The following POLR2F variants were observed in gnomAD, a reference collection of about 807,000 sequenced individuals.
The protein encoded by POLR2F is RNA polymerase II, I and III subunit F.
Under a neutral mutation model 22.7 loss-of-function variants are expected in POLR2F, and 12 were observed. That is an observed-to-expected ratio of 0.53 (90% CI 0.34 to 0.86). POLR2F has a LOEUF of 0.86. POLR2F is among the 40% of genes least tolerant of loss of function. The pLI is 0.02. For missense variants in POLR2F, 126 were observed against 171.5 expected (o/e 0.73, Z 1.48); for synonymous variants, 57 against 66.0 (o/e 0.86, Z 0.66).
Position 37,980,945 on chromosome 22 carries a change from T to C in POLR2F, c.293+13775T>C, listed in dbSNP as rs1233321446. ...CACACAGGAGGGACTCTTGCCTGTG[T>C]CCGCCTTTCCAGTTTCTTGGCTCTG... On this transcript the variant is annotated intron_variant, in intron 4 of 4. Transcript: ENST00000405557. This position sits in a 1 kb window ranked among gnomAD's most constrained non-coding sequence, Gnocchi z 4.1. Among the ~76,000 whole-genome samples, 2 of 152,174 alleles carry C rather than the reference T, an allele frequency of 1.3e-5. No individual in the cohort carries two copies. Among genetic ancestry groups the C allele is most frequent in the Non-Finnish European group, 2.9e-5 (2 of 68,026 alleles).
In POLR2F at chr22:37,986,383, G is replaced by A; in HGVS notation, c.120+71G>A. ...GGAAAGGACCTCCCCGCTCTCTGCT[G>A]TGTCTGTGACTGGCCTGAGACCCGC... On this transcript the variant is annotated intron_variant, in intron 1 of 2. Coordinates refer to the POLR2F transcript ENST00000333418. The surrounding 1 kb of genome is among the most constrained non-coding windows in gnomAD (Gnocchi z 4.7). 20 of 1,530,156 alleles carry A rather than the reference G, an allele frequency of 1.3e-5. No homozygotes were observed. The highest frequency in any genetic ancestry group is 1.7e-5 in the Non-Finnish European group (20 of 1,144,126). The allele number at this position is 1,530,156 out of a possible 1,614,324, so 94.8% of individuals were successfully genotyped here.
chr22:37,992,178 T>C (rs1932740583), intron 1 of POLR2F, among the ~76,000 whole-genome samples: 1 of 152,170 alleles, frequency 6.6e-6, no homozygotes, highest in Non-Finnish European at 1.5e-5. Flanking sequence ...TTATTAGCTG[T>C]GTGTCCTTGG....
Position 37,978,204 on chromosome 22 carries a change from G to A in POLR2F, c.293+11034G>A, listed in dbSNP as rs1932283415. ...GTGAATGCCAGAGCACTCCAGGTTGGCCTCCCTCTGAGTGTCCATCTTGGA... is the reference window on the plus strand; with the variant it reads ...GTGAATGCCAGAGCACTCCAGGTTGACCTCCCTCTGAGTGTCCATCTTGGA... On this transcript the variant is annotated intron_variant, in intron 4 of 4. Transcript: ENST00000405557. The surrounding 1 kb of genome is among the most constrained non-coding windows in gnomAD (Gnocchi z 5.0). 4.9e-6 allele frequency: 7 copies of A among 1,437,044 alleles called. No homozygotes were observed. In the South Asian group the frequency reaches 7.2e-5, roughly 15 times the overall value. The allele number at this position is 1,437,044 out of a possible 1,614,324, so 89.0% of individuals were successfully genotyped here.
At chr22:37,989,087 CTG>C (rs1455371299) in intron 1 of POLR2F, among the ~76,000 whole-genome samples, 1 of 152,166 alleles carries the variant, frequency 6.6e-6, no homozygotes, top group Non-Finnish European at 1.5e-5. Flanking sequence ...TTGGATAAGG[CTG>C]TGTCATCCTC....
intron 1 of POLR2F, among the ~76,000 whole-genome samples, chr22:37,995,552 G>A (rs115467980): frequency 3.9e-5 from 6 of 152,040 alleles, no homozygotes; most frequent in East Asian, 3.9e-4. Flanking sequence ...ATTTATTGGC[G>A]GATTAGTTGT....
chr22:37,979,223 G>A (rs376926473), intron 4 of POLR2F, among the ~76,000 whole-genome samples: 3 of 151,604 alleles, frequency 2.0e-5, no homozygotes, highest in African/African-American at 7.3e-5. Flanking sequence ...TCAGCCTCCC[G>A]GGTAGCTGGG....
intron 1 of POLR2F, among the ~76,000 whole-genome samples, chr22:38,019,762 C>T (rs1312152543): frequency 1.3e-5 from 2 of 152,230 alleles, no homozygotes; most frequent in African/African-American, 2.4e-5. Flanking sequence ...CCTGTACTCT[C>T]CCAGCACTTT....
chr22:37,958,147 G>A (rs1931475228), intron 2 of POLR2F, among the ~76,000 whole-genome samples: 1 of 151,594 alleles, frequency 6.6e-6, no homozygotes, highest in African/African-American at 2.4e-5. Context: ...GAGTAGCTGG[G>A]ACTGCAGGTT....
rs1322169133 is a variant in POLR2F, at chr22:37,986,598, G to T, written c.120+286G>T. On this transcript the variant is annotated intron_variant, in intron 1 of 2. Transcript: ENST00000333418. The surrounding 1 kb of genome is among the most constrained non-coding windows in gnomAD (Gnocchi z 4.7). ...CAGGAAGCCACGCTAGACAGAAGGG[G>T]CCACTCCCTCTCTCTCTCCCTTGTC... The T allele has an allele frequency of 1.7e-5, 12 of 701,116 alleles. No homozygotes were observed. Among genetic ancestry groups the T allele is most frequent in the Non-Finnish European group, 2.8e-5 (11 of 389,896 alleles). 43.4% of individuals were successfully genotyped at this position (701,116 alleles called of 1,614,324 possible).
downstream of POLR2F, chr22:37,973,367 C>G: frequency 1.5e-6 from 1 of 666,382 alleles, no homozygotes; most frequent in South Asian, 2.0e-5. Context: ...GAAAGCCCCC[C>G]GACCTGTCAG....
intron 1 of POLR2F, among the ~76,000 whole-genome samples, chr22:38,010,401 GGAGA>G (rs146984900): frequency 3.1e-4 from 47 of 150,970 alleles, no homozygotes; most frequent in South Asian, 2.7e-3. Flanking sequence ...AAGAAAGAGA[GGAGA>G]GAGAGAGAGA....
At chr22:37,982,393 G>C (rs576253688), upstream of POLR2F, among the ~76,000 whole-genome samples, 1 of 152,106 alleles carries the variant, frequency 6.6e-6, no homozygotes, top group African/African-American at 2.4e-5. Context: ...TGGCACTCCC[G>C]GGTGGGAGTG....
chr22:37,959,227 G>A, intron 2 of POLR2F, 119 bp from the exon 3 acceptor site: 1 of 953,380 alleles, frequency 1.0e-6, no homozygotes, highest in Non-Finnish European at 1.6e-6. Context: ...GTGGTCCCCT[G>A]GCATGCAGTA....
rs1343626978 is a variant in POLR2F at position 37,959,231 on chromosome 22, T to C, written c.91-115T>C. ...GAAGCAGTTATGTGGTCCCCTGGCA[T>C]GCAGTAAGCATTAACGGTGGCTGTA... is the stretch of plus-strand genomic sequence containing the variant. On this transcript the variant is annotated intron_variant, in intron 2 of 4. Transcript: ENST00000442738. The C allele has an allele frequency of 5.1e-6, 5 of 988,810 alleles. No individual in the cohort carries two copies. The African/African-American group carries it at 8.1e-5, about 16-fold the overall frequency. The allele number at this position is 988,810 out of a possible 1,614,324, so 61.3% of individuals were successfully genotyped here. A position where few individuals can be genotyped will look rare whatever the true frequency, so the allele number is the denominator to read the frequency against.
At chr22:38,000,710 G>A (rs1290357142) in intron 1 of POLR2F, among the ~76,000 whole-genome samples, 1 of 152,208 alleles carries the variant, frequency 6.6e-6, no homozygotes, top group African/African-American at 2.4e-5. Context: ...CTTTGGAGGT[G>A]TAAGGTGTTT....
intron 1 of POLR2F, among the ~76,000 whole-genome samples, chr22:38,004,435 TC>T (rs1447445173): frequency 3.3e-5 from 5 of 152,162 alleles, no homozygotes; most frequent in African/African-American, 1.2e-4. Context: ...CCTTGCCACT[TC>T]CTGAGCGCTC....
chr22:38,004,180 G>C (rs979919741), intron 1 of POLR2F, among the ~76,000 whole-genome samples: 1 of 19,006 alleles, frequency 5.3e-5, no homozygotes, highest in Non-Finnish European at 9.9e-5. Context: ...TAGAGATGTG[G>C]GGGGGGTCTC....
At chr22:37,967,514 A>G in intron 4 of POLR2F, 111 bp from the exon 5 acceptor site, 1 of 1,516,960 alleles carries the variant, frequency 6.6e-7, no homozygotes, top group Non-Finnish European at 8.8e-7. Context: ...CAGCCCCAAG[A>G]GGCTGCTCCT....
downstream of POLR2F, among the ~76,000 whole-genome samples, chr22:38,029,916 A>G (rs562637450): frequency 4.6e-5 from 7 of 152,344 alleles, no homozygotes; most frequent in African/African-American, 1.7e-4. Context: ...TGAGCCTTGC[A>G]GGCTGGAGAT....
Sources: gnomAD v4.1 joint callset for allele counts (sites outside exome capture counted in the v4.1 genomes callset) on GRCh38, gnomAD v4.1.1 for gene constraint, Gnocchi (gnomAD v3.1) non-coding constraint, MANE v1.5 for transcripts, NCBI Gene and HGNC (gene_info 2026-07-23, HGNC 2026-07-21) for gene names.